TBCD: variants seen among roughly 807,000 people sequenced by gnomAD.
TBCD encodes the protein tubulin folding cofactor D, also known as tubulin-specific chaperone D.
In TBCD, 105 loss-of-function variants were observed where a neutral mutation model predicts 169.3. That is an observed-to-expected ratio of 0.62 (90% CI 0.53 to 0.73). TBCD has a LOEUF of 0.73. Ranked by LOEUF, TBCD falls within the 30% of genes least tolerant of loss-of-function variation. The pLI is 0.00. For synonymous variants in TBCD, 700 were observed against 643.9 expected, an observed-to-expected ratio of 1.09 and a Z score of -1.32; for missense variants, 1,444 against 1,600.1, an observed-to-expected ratio of 0.90 and a Z score of 1.66.
intron 7 of TBCD, among the ~76,000 whole-genome samples, 164 bp downstream of exon 7, chr17:82,781,885 G>A (rs977679826): frequency 1.3e-5 from 2 of 152,216 alleles, no homozygotes; most frequent in Admixed American, 6.5e-5. Context: ...CCTCTGCTTT[G>A]GGTCCTGCCT....
At chr17:82,777,245 A>G (rs1237181147) in intron 6 of TBCD, among the ~76,000 whole-genome samples, 1 of 151,832 alleles carries the variant, frequency 6.6e-6, no homozygotes, top group Non-Finnish European at 1.5e-5. Context: ...CTACAGTAGA[A>G]CCCCGCCCTT....
At chr17:82,827,546 A>G (rs1598743312) in intron 13 of TBCD, among the ~76,000 whole-genome samples, 1 of 152,166 alleles carries the variant, frequency 6.6e-6, no homozygotes, top group East Asian at 1.9e-4. Flanking sequence ...CCGGTACTTG[A>G]CCACTGCTTT....
intron 22 of TBCD, among the ~76,000 whole-genome samples, chr17:82,909,872 CCT>C (rs1350882021): frequency 6.6e-6 from 1 of 152,218 alleles, no homozygotes; most frequent in Non-Finnish European, 1.5e-5. Flanking sequence ...TCCCTCTGTG[CCT>C]TTGCAGCCCA....
In TBCD at chr17:82,921,681, C is replaced by A. The variant is rs2061428604; in HGVS notation, c.2178+104C>A. On this transcript the variant is annotated intron_variant, in intron 25 of 38. Transcript: ENST00000355528. Reference sequence around the variant, plus strand: ...ACTGTGCATCATGAGGCTGTCCCTGCAGTAGCCTGATAACTGACAAATGGG... The same window carrying A: ...ACTGTGCATCATGAGGCTGTCCCTGAAGTAGCCTGATAACTGACAAATGGG... 1.1e-5 allele frequency: 11 copies of A among 1,026,144 alleles called. No individual in the cohort carries two copies. The Admixed American group carries it at 1.4e-4, about 13-fold the overall frequency. The allele number at this position is 1,026,144 out of a possible 1,614,324, so 63.6% of individuals were successfully genotyped here.
At chr17:82,819,385 A>G (rs145307158) in intron 13 of TBCD, among the ~76,000 whole-genome samples, 1 of 152,306 alleles carries the variant, frequency 6.6e-6, no homozygotes, top group African/African-American at 2.4e-5. Flanking sequence ...CTCTCCACAC[A>G]TACAGTGCAC....
intron 23 of TBCD, among the ~76,000 whole-genome samples, chr17:82,919,954 TCTGCGAGTGGGTTC>T (rs1308672208): frequency 6.6e-6 from 1 of 152,148 alleles, no homozygotes; most frequent in Non-Finnish European, 1.5e-5. Flanking sequence ...GCAGCAGGCG[TCTGCGAGTGGGTTC>T]CGTTGTTAGG....
In TBCD at chr17:82,945,382, C is replaced by T. The variant is rs1358070426; in HGVS notation, c.*2919C>T. ...TGCAACAGTCCCCAGATACAGAAGC[C>T]TAACAGTCTCACATTTAGACCTGCC... On this transcript the variant is annotated 3_prime_UTR_variant, in exon 39 of 39. Transcript: ENST00000355528. 1 of 152,184 alleles carries T rather than the reference C, an allele frequency of 6.6e-6. No homozygotes were observed. The highest frequency in any genetic ancestry group is 2.4e-5 in the African/African-American group (1 of 41,434). The allele number at this position is 152,184 out of a possible 1,614,324, so 9.4% of individuals were successfully genotyped here.
chr17:82,906,961 G>A (rs2060295000), intron 20 of TBCD, among the ~76,000 whole-genome samples: 1 of 152,236 alleles, frequency 6.6e-6, no homozygotes, highest in African/African-American at 2.4e-5. Context: ...CTCCAGTCGG[G>A]TCCCACAGGG....
chr17:82,811,534 C>A (rs1381934319), intron 12 of TBCD, among the ~76,000 whole-genome samples: 1 of 152,214 alleles, frequency 6.6e-6, no homozygotes, highest in African/African-American at 2.4e-5. Context: ...GCCTTCATCC[C>A]AAAGTAGCTG....
intron 13 of TBCD, among the ~76,000 whole-genome samples, chr17:82,855,989 C>T (rs943811830): frequency 1.5e-4 from 21 of 142,376 alleles, no homozygotes; most frequent in Non-Finnish European, 3.0e-4. Context: ...AGACTCCCCC[C>T]CCACTTTTTT....
intron 36 of TBCD, among the ~76,000 whole-genome samples, 199 bp downstream of exon 36, chr17:82,938,335 C>CTG (rs2062811338): frequency 6.6e-6 from 1 of 152,222 alleles, no homozygotes. Context: ...TAAGGACGGG[C>CTG]TGTCCGGCTG....
chr17:82,815,105 G>A (rs1429997308), intron 13 of TBCD, among the ~76,000 whole-genome samples, 171 bp downstream of exon 13: 3 of 152,206 alleles, frequency 2.0e-5, no homozygotes, highest in Admixed American at 2.0e-4. Context: ...CCATCTCCGC[G>A]GTGTGGCCCT....
Position 82,831,351 on chromosome 17 carries a change from C to G in TBCD, c.1318+16417C>G, listed in dbSNP as rs373136726. On this transcript the variant is annotated intron_variant, in intron 13 of 38. Transcript: ENST00000355528. The surrounding 1 kb of genome is among the most constrained non-coding windows in gnomAD (Gnocchi z 4.6). ...ACTCGACGTGTTTTCTGTTGGGGTCCGAAGGGTTTAACCTGGAAGGACTCG... is the reference window on the plus strand; with the variant it reads ...ACTCGACGTGTTTTCTGTTGGGGTCGGAAGGGTTTAACCTGGAAGGACTCG... 4 of 1,613,980 alleles carry G rather than the reference C, an allele frequency of 2.5e-6. No individual in the cohort carries two copies. The highest frequency in any genetic ancestry group is 1.7e-6 in the Non-Finnish European group (2 of 1,180,008).
chr17:82,772,402 G>A (rs1211846694), intron 5 of TBCD, 50 bp from the exon 6 acceptor site: 19 of 1,604,832 alleles, frequency 1.2e-5, no homozygotes, highest in African/African-American at 2.7e-5. Context: ...GTGTCCCCAA[G>A]GCTGGCGTGT....
At position 82,903,531 on chromosome 17, in the gene TBCD, G is replaced by A; in HGVS notation, c.1804+53G>A. The A allele has an allele frequency of 1.3e-6, 2 of 1,520,384 alleles. No homozygotes were observed. Among genetic ancestry groups the A allele is most frequent in the Non-Finnish European group, 8.9e-7 (1 of 1,119,962 alleles). 94.2% of individuals were successfully genotyped at this position (1,520,384 alleles called of 1,614,324 possible). A position where few individuals can be genotyped will look rare whatever the true frequency, so the allele number is the denominator to read the frequency against. ...GGCACCATGCATGCACTGCAGAAAG[G>A]CCTGGGTTGCTGGTTTCAAAGGCTG... On this transcript the variant is annotated intron_variant, in intron 19 of 38. Transcript: ENST00000355528. This position sits in a 1 kb window ranked among gnomAD's most constrained non-coding sequence, Gnocchi z 4.8.
At chr17:82,769,896 T>A (rs1333671600) in intron 5 of TBCD, among the ~76,000 whole-genome samples, 1 of 150,708 alleles carries the variant, frequency 6.6e-6, no homozygotes, top group Non-Finnish European at 1.5e-5. Flanking sequence ...AAAAAAAAAA[T>A]TTAACCTATA....
At position 82,792,767 on chromosome 17, in the gene TBCD, A is replaced by G. The variant is rs117133864; in HGVS notation, c.772-4990A>G. The stretch of plus-strand genomic sequence containing the variant: ...GGAAAGATAAAAGCTAGATGTGATT[A>G]TTTCGATCATTGAAGCATTTTTGTG... On this transcript the variant is annotated intron_variant, in intron 7 of 38. Transcript: ENST00000355528. Among the ~76,000 whole-genome samples, 10 of 152,304 alleles carry G rather than the reference A, an allele frequency of 6.6e-5. No homozygotes were observed. The East Asian group carries it at 1.7e-3, about 26-fold the overall frequency.
chr17:82,911,202 C>G (rs1221365679), intron 22 of TBCD, among the ~76,000 whole-genome samples: 1 of 152,202 alleles, frequency 6.6e-6, no homozygotes, highest in Non-Finnish European at 1.5e-5. Context: ...TTTCTACTTG[C>G]AGGAGGGGAC....
At chr17:82,862,447 C>G (rs1025777911) in intron 13 of TBCD, among the ~76,000 whole-genome samples, 4 of 151,556 alleles carry the variant, frequency 2.6e-5, no homozygotes, top group African/African-American at 4.9e-5. Flanking sequence ...TTGGCCCAGA[C>G]GGGGGAGGTG....
Sources: allele counts gnomAD v4.1 joint callset (sites outside exome capture counted in the v4.1 genomes callset), GRCh38; gene constraint gnomAD v4.1.1; non-coding constraint Gnocchi (gnomAD v3.1); transcripts MANE v1.5; gene names NCBI Gene and HGNC (gene_info 2026-07-23, HGNC 2026-07-21).